Variants in MATN2 observed in about 807,000 individuals in gnomAD.
MATN2 encodes matrilin-2.
Under a neutral mutation model 103.2 loss-of-function variants are expected in MATN2, and 69 were observed. That is an observed-to-expected ratio of 0.67 (90% CI 0.55 to 0.82). MATN2 has a LOEUF of 0.82. MATN2 is among the 40% of genes least tolerant of loss of function. MATN2 has a pLI of 0.00. For synonymous variants in MATN2, 429 were observed against 450.2 expected, an observed-to-expected ratio of 0.95 and a Z score of 0.60; for missense variants, 1,023 against 1,211.5, an observed-to-expected ratio of 0.84 and a Z score of 2.31.
chr8:97,946,276 T>C (rs899470380), intron 4 of MATN2, among the ~76,000 whole-genome samples: 1 of 152,202 alleles, frequency 6.6e-6, no homozygotes, highest in Non-Finnish European at 1.5e-5. Flanking sequence ...GAATTTTAGC[T>C]TCCATCACTT....
intron 13 of MATN2, chr8:98,024,776 C>G (rs891207801): frequency 6.6e-6 from 1 of 152,204 alleles, no homozygotes; most frequent in African/African-American, 2.4e-5. Flanking sequence ...AGTCACAGCT[C>G]CATTCCAGTC....
At chr8:98,002,655 A>T (rs1468674760) in intron 7 of MATN2, among the ~76,000 whole-genome samples, 1 of 152,028 alleles carries the variant, frequency 6.6e-6, no homozygotes, top group Non-Finnish European at 1.5e-5. Flanking sequence ...AGCTCAACTG[A>T]GCCTTGGCTT....
intron 12 of MATN2, among the ~76,000 whole-genome samples, chr8:98,020,607 TCTCA>T: frequency 6.6e-6 from 1 of 152,354 alleles, no homozygotes; most frequent in East Asian, 1.9e-4. Flanking sequence ...AGGGATGTGT[TCTCA>T]CTGATTCCAA....
At chr8:97,974,435 T>G (rs1212185095) in intron 5 of MATN2, among the ~76,000 whole-genome samples, 1 of 149,730 alleles carries the variant, frequency 6.7e-6, no homozygotes, top group East Asian at 2.0e-4. Context: ...CTTTTTGTTT[T>G]GTTTTGTTTT....
rs570238632 is a variant in MATN2, at chr8:97,896,084, C to T, written c.142+7842C>T. 5.3e-5 allele frequency among the ~76,000 whole-genome samples: 8 copies of T among 152,344 alleles called. No individual in the cohort carries two copies. In the East Asian group the frequency reaches 1.5e-3, roughly 29 times the overall value. ...TTGGAGGTGCTGCTGCAGCCGGTCACACCTGGGTTCTACTGACCTCCAGCC... is the reference window on the plus strand; with the variant it reads ...TTGGAGGTGCTGCTGCAGCCGGTCATACCTGGGTTCTACTGACCTCCAGCC... On this transcript the variant is annotated intron_variant, in intron 2 of 18. Transcript: ENST00000254898.
rs1563729206 is a variant in MATN2, at chr8:98,018,114, GAAGT to G, written c.1819+4_1819+7del. 2 of 1,613,690 alleles carry G rather than the reference GAAGT, an allele frequency of 1.2e-6. No individual in the cohort carries two copies. The highest frequency in any genetic ancestry group is 1.7e-5 in the Admixed American group (1 of 60,020). On this transcript the variant is annotated splice_donor_variant and coding_sequence_variant, in exon 12 of 19. Coordinates refer to ENST00000254898, the MANE Select transcript of MATN2 (RefSeq NM_002380.5). LOFTEE classifies it high-confidence loss of function. ...CTCGCTGAGGATGGGAAACGCTGCC[GAAGT>G]AAGTAGCCTCGAGGTGGAGAAGAAC...
chr8:97,907,024 A>G (rs1347055582), intron 2 of MATN2, among the ~76,000 whole-genome samples: 1 of 139,806 alleles, frequency 7.2e-6, no homozygotes. Flanking sequence ...TTTTTGAGAC[A>G]GAGTCTTGCT....
At chr8:97,902,078 G>A (rs1819001208) in intron 2 of MATN2, among the ~76,000 whole-genome samples, 1 of 151,762 alleles carries the variant, frequency 6.6e-6, no homozygotes, top group South Asian at 2.1e-4. Context: ...GCCCAGGCTG[G>A]TCTCGAACTC....
chr8:97,979,081 C>G, intron 6 of MATN2, 73 bp downstream of exon 6: 1 of 1,485,006 alleles, frequency 6.7e-7, no homozygotes, highest in Non-Finnish European at 9.1e-7. Flanking sequence ...CCATGGAACT[C>G]TCTCAAGTAT....
intron 2 of MATN2, among the ~76,000 whole-genome samples, chr8:97,893,968 C>G (rs1334395041): frequency 6.6e-6 from 1 of 152,260 alleles, no homozygotes; most frequent in Non-Finnish European, 1.5e-5. Flanking sequence ...ATTTACCAAA[C>G]TGGCTCATTT....
At chr8:98,014,824 CA>C (rs1028577961) in intron 10 of MATN2, among the ~76,000 whole-genome samples, 20 of 152,098 alleles carry the variant, frequency 1.3e-4, no homozygotes, top group South Asian at 4.1e-4. Flanking sequence ...GATGCTTTAC[CA>C]AAAAAAGTGT....
chr8:97,988,152 C>CA lies in MATN2; in HGVS notation c.1082-6308dup, dbSNP rs869146483. Among the ~76,000 whole-genome samples the CA allele has an allele frequency of 4.5e-3, 299 of 65,860 alleles. 5 individuals carry two copies. Among genetic ancestry groups the CA allele is most frequent in the East Asian group, 0.013 (34 of 2,550 alleles). 43.2% of individuals were successfully genotyped at this position (65,860 alleles called of 152,430 possible). A position where few individuals can be genotyped will look rare whatever the true frequency, so the allele number is the denominator to read the frequency against. On this transcript the variant is annotated intron_variant, in intron 6 of 18. Transcript: ENST00000254898. The stretch of plus-strand genomic sequence containing the variant: ...TGGGCAACATAGAGCCCATCTCCAC[C>CA]AAAAAAAAAAAAAAAAAAAATATAT...
At chr8:97,878,922 C>T (rs191832541) in intron 1 of MATN2, among the ~76,000 whole-genome samples, 1 of 152,236 alleles carries the variant, frequency 6.6e-6, no homozygotes, top group East Asian at 1.9e-4. Context: ...AAACATAGTA[C>T]GTAGAGGAAG....
intron 2 of MATN2, among the ~76,000 whole-genome samples, chr8:97,891,613 T>G (rs2129992124): frequency 6.6e-6 from 1 of 152,224 alleles, no homozygotes; most frequent in South Asian, 2.1e-4. Flanking sequence ...GCTGGGATTC[T>G]AGGCGTGAGC....
intron 15 of MATN2, among the ~76,000 whole-genome samples, 173 bp downstream of exon 15, chr8:98,030,787 C>T (rs977445755): frequency 1.3e-5 from 2 of 152,030 alleles, no homozygotes; most frequent in Non-Finnish European, 1.5e-5. Context: ...TTCAGCCTCC[C>T]GAGAAGCTGG....
intron 2 of MATN2, among the ~76,000 whole-genome samples, chr8:97,914,100 C>G (rs1809540717): frequency 6.6e-6 from 1 of 152,212 alleles, no homozygotes; most frequent in South Asian, 2.1e-4. Context: ...AAAGGAGTGG[C>G]CTTAACATTC....
chr8:97,958,844 T>C (rs1264581605), intron 4 of MATN2, among the ~76,000 whole-genome samples: 3 of 152,216 alleles, frequency 2.0e-5, no homozygotes, highest in Non-Finnish European at 4.4e-5. Flanking sequence ...CTATGCAGCC[T>C]GTGTGCAGAG....
Position 97,931,561 on chromosome 8 carries a change from C to A in MATN2, c.712+39C>A. On this transcript the variant is annotated intron_variant, in intron 3 of 18. Transcript: ENST00000254898. This position sits in a 1 kb window ranked among gnomAD's most constrained non-coding sequence, Gnocchi z 4.1. ...CTTTGTCACTCTTCTAGAGGAACCA[C>A]TAGAATTCATTCATTCATCTTCAAG... The A allele has an allele frequency of 6.6e-7, 1 of 1,519,906 alleles. No homozygotes were observed. The highest frequency in any genetic ancestry group is 8.9e-7 in the Non-Finnish European group (1 of 1,129,474). 94.2% of individuals were successfully genotyped at this position (1,519,906 alleles called of 1,614,324 possible). A position where few individuals can be genotyped will look rare whatever the true frequency, so the allele number is the denominator to read the frequency against.
In MATN2 at chr8:97,931,471, A is replaced by G. The variant is rs760010717; in HGVS notation, c.661A>G (p.Asn221Asp). The G allele has an allele frequency of 3.7e-6, 6 of 1,613,400 alleles. No individual in the cohort carries two copies. The East Asian group carries it at 1.3e-4, about 36-fold the overall frequency. ...PHEDHVFLVA[N>D]FSQIETLTSV... is the part of the protein sequence containing the mutation. ...TGAGGACCATGTCTTCCTTGTGGCC[A>G]ATTTCAGCCAGATTGAGACGCTGAC... Residue 221 changes from asparagine (N) to aspartate (D), a missense_variant, in exon 3 of 19, where the codon AAT becomes GAT. Asn to Asp is a conservative substitution (Grantham distance 23). Coordinates refer to ENST00000254898, the MANE Select transcript of MATN2 (RefSeq NM_002380.5). The surrounding 1 kb of genome is among the most constrained non-coding windows in gnomAD (Gnocchi z 4.1).
Sources: gnomAD v4.1 joint callset for allele counts (sites outside exome capture counted in the v4.1 genomes callset) on GRCh38, gnomAD v4.1.1 for gene constraint, Gnocchi (gnomAD v3.1) non-coding constraint, MANE v1.5 for transcripts, NCBI Gene and HGNC (gene_info 2026-07-23, HGNC 2026-07-21) for gene names.